Variants in C8orf34 observed in about 807,000 individuals in gnomAD.
The protein encoded by C8orf34 is chromosome 8 open reading frame 34, also known as uncharacterized protein C8orf34.
In C8orf34, 65 loss-of-function variants were observed where a neutral mutation model predicts 68.3. The ratio of observed to expected loss-of-function variants is 0.95; its 90% CI spans 0.78 to 1.17. The LOEUF (loss-of-function observed/expected upper bound fraction) is 1.17. C8orf34 is among the 50% of genes most tolerant of loss of function. The pLI, the probability that C8orf34 is intolerant of heterozygous loss-of-function variation, is 0.00. For missense variants in C8orf34, 664 were observed against 655.4 expected (o/e 1.01, Z -0.14); for synonymous variants, 244 against 241.2 (o/e 1.01, Z -0.11).
intron 1 of C8orf34, among the ~76,000 whole-genome samples, chr8:68,376,190 A>ATAAAATAAAATAAAATAAAT: frequency 8.0e-6 from 1 of 124,578 alleles, no homozygotes; most frequent in African/African-American, 2.8e-5. Context: ...CAGACATAAA[A>ATAAAATAAAATAAAATAAAT]TAAAATAAAA....
At chr8:68,704,662 C>A (rs2130945995) in intron 8 of C8orf34, among the ~76,000 whole-genome samples, 1 of 152,244 alleles carries the variant, frequency 6.6e-6, no homozygotes, top group South Asian at 2.1e-4. Flanking sequence ...ACCCACAACT[C>A]TTCATTCCAC....
chr8:68,684,771 T>C (rs904004138), intron 8 of C8orf34, among the ~76,000 whole-genome samples: 2 of 151,886 alleles, frequency 1.3e-5, no homozygotes, highest in Non-Finnish European at 2.9e-5. Flanking sequence ...GAAAAAAAAT[T>C]ATAGGCTGCT....
intron 5 of C8orf34, among the ~76,000 whole-genome samples, chr8:68,515,698 A>T (rs1814481835): frequency 6.6e-6 from 1 of 152,236 alleles, no homozygotes; most frequent in South Asian, 2.1e-4. Context: ...AGTAAGATGC[A>T]GATGGTTCCA....
intron 3 of C8orf34, among the ~76,000 whole-genome samples, chr8:68,466,738 CATATATATATAT>C (rs35661495): frequency 0.52 from 62,392 of 120,622 alleles, 16,246 homozygotes; most frequent in East Asian, 0.61. Flanking sequence ...CAACGTTGTA[CATATATATATAT>C]ATATATATAT....
rs527332489 is a variant in C8orf34 at position 68,617,045 on chromosome 8, G to A, written c.1106-23331G>A. On this transcript the variant is annotated intron_variant, in intron 7 of 13. Coordinates refer to ENST00000518698, the MANE Select transcript of C8orf34 (RefSeq NM_052958.4). ...TTGATCTCTTTACCATTATGTAATG[G>A]CCTTCTTTGTCTCTTTTGATCTTTG... Among the ~76,000 whole-genome samples the A allele has an allele frequency of 4.6e-5, 7 of 152,182 alleles. No individual in the cohort carries two copies. The South Asian group carries it at 6.2e-4, about 14-fold the overall frequency.
chr8:68,764,751 G>A (rs937971028), intron 10 of C8orf34, among the ~76,000 whole-genome samples: 3 of 152,186 alleles, frequency 2.0e-5, no homozygotes, highest in Non-Finnish European at 4.4e-5. Context: ...TTCCTGAGAT[G>A]GAGATGAATA....
chr8:68,571,236 A>G lies in C8orf34; in HGVS notation c.1105+38087A>G, dbSNP rs914686627. On this transcript the variant is annotated intron_variant, in intron 7 of 13. Transcript: ENST00000518698. ...CTTTGCCTGTAGCTACTCCTAGGCCATTTAGTTACAGTGTCAAATTCATTT... is the reference window on the plus strand; with the variant it reads ...CTTTGCCTGTAGCTACTCCTAGGCCGTTTAGTTACAGTGTCAAATTCATTT... Among the ~76,000 whole-genome samples, 5 of 152,296 alleles carry G rather than the reference A, an allele frequency of 3.3e-5. 1 individual carries two copies. In the East Asian group the frequency reaches 9.6e-4, roughly 29 times the overall value.
rs540627982 is a variant in C8orf34 at position 68,341,287 on chromosome 8, A to C, written c.327+9948A>C. The stretch of plus-strand genomic sequence containing the variant: ...ATGAGGGTTGTCAAAGTACAGAAGT[A>C]GTTCAATGGAGGGAGGATAGCTTTT... On this transcript the variant is annotated intron_variant, in intron 1 of 13. Transcript: ENST00000518698. Among the ~76,000 whole-genome samples, 11 of 152,220 alleles carry C rather than the reference A, an allele frequency of 7.2e-5. No individual in the cohort carries two copies. The East Asian group carries it at 2.1e-3, about 29-fold the overall frequency.
intron 3 of C8orf34, among the ~76,000 whole-genome samples, chr8:68,464,389 G>C (rs970666834): frequency 2.0e-5 from 3 of 152,066 alleles, no homozygotes; most frequent in Non-Finnish European, 4.4e-5. Flanking sequence ...GTAATTTATA[G>C]ATTCAATGCC....
In C8orf34 at chr8:68,711,860, G is replaced by T. The variant is rs552545184; in HGVS notation, c.1327+2781G>T. On this transcript the variant is annotated intron_variant, in intron 9 of 13. Transcript: ENST00000518698. ...ACACCTGGGAAATTTATTGCAAAAAGATCATTACCTGCACACATAGTCATC... is the reference window on the plus strand; with the variant it reads ...ACACCTGGGAAATTTATTGCAAAAATATCATTACCTGCACACATAGTCATC... Among the ~76,000 whole-genome samples, 28 of 152,188 alleles carry T rather than the reference G, an allele frequency of 1.8e-4. 1 individual carries two copies. In the South Asian group the frequency reaches 3.7e-3, roughly 20 times the overall value.
Position 68,709,080 on chromosome 8 carries a change from G to GGGCC in C8orf34, c.1327+1_1327+2insGGCC, listed in dbSNP as rs778969473. On this transcript the variant is annotated splice_donor_variant, in intron 9 of 13. Transcript: ENST00000518698. LOFTEE classifies it high-confidence loss of function. ...GATGAAAAAATCCCAGATTCATTCG[G>GGGCC]TAAGTTTTAAGTCCAACAATATTTA... The GGGCC allele has an allele frequency of 6.2e-7, 1 of 1,607,890 alleles. No individual in the cohort carries two copies. Among genetic ancestry groups the GGGCC allele is most frequent in the Non-Finnish European group, 8.5e-7 (1 of 1,175,524 alleles).
chr8:68,757,545 G>A (rs572771410), intron 10 of C8orf34, among the ~76,000 whole-genome samples: 111 of 152,116 alleles, frequency 7.3e-4, no homozygotes, highest in Non-Finnish European at 1.1e-3. Flanking sequence ...CACTTGAACC[G>A]GGGAGGCGGA....
chr8:68,419,227 A>G (rs1457856859), intron 1 of C8orf34, among the ~76,000 whole-genome samples: 1 of 150,648 alleles, frequency 6.6e-6, no homozygotes, highest in Non-Finnish European at 1.5e-5. Context: ...ACATGAAAAA[A>G]TGCTCACCAT....
At chr8:68,799,752 A>C (rs1220196522) in intron 12 of C8orf34, among the ~76,000 whole-genome samples, 1 of 152,228 alleles carries the variant, frequency 6.6e-6, no homozygotes, top group East Asian at 1.9e-4. Context: ...AGCATTAGGC[A>C]CACTGTTTCT....
intron 8 of C8orf34, among the ~76,000 whole-genome samples, chr8:68,680,450 G>T (rs1464100505): frequency 2.0e-5 from 3 of 152,114 alleles, no homozygotes; most frequent in Admixed American, 6.6e-5. Context: ...TGGGCCACTG[G>T]GGGTGACATC....
intron 5 of C8orf34, among the ~76,000 whole-genome samples, chr8:68,500,409 C>T (rs932846977): frequency 3.3e-5 from 5 of 152,234 alleles, no homozygotes; most frequent in South Asian, 2.1e-4. Flanking sequence ...TTGAATGCCA[C>T]GTGGGATCCA....
At chr8:68,650,700 CG>C (rs1819331851) in intron 8 of C8orf34, among the ~76,000 whole-genome samples, 1 of 151,952 alleles carries the variant, frequency 6.6e-6, no homozygotes, top group Admixed American at 6.6e-5. Flanking sequence ...GGGATGGTCT[CG>C]ATCTCCTGAC....
intron 1 of C8orf34, among the ~76,000 whole-genome samples, chr8:68,352,384 C>A (rs1187513900): frequency 6.7e-6 from 1 of 149,076 alleles, no homozygotes; most frequent in Admixed American, 6.7e-5. Flanking sequence ...GAAACATGTG[C>A]TCTTGCTAAG....
rs548905944 is a variant in C8orf34 at position 68,773,348 on chromosome 8, A to C, written c.1405-3051A>C. 1.1e-3 allele frequency among the ~76,000 whole-genome samples: 172 copies of C among 152,224 alleles called. 1 individual carries two copies. Among genetic ancestry groups the C allele is most frequent in the African/African-American group, 3.4e-3 (141 of 41,548 alleles). On this transcript the variant is annotated intron_variant, in intron 10 of 13. Coordinates refer to ENST00000518698, the MANE Select transcript of C8orf34 (RefSeq NM_052958.4). ...GCCTTGTACCACACTTGCATTCTTCAAAATGTTAGTTTCCTCTGTATTTTC... is the reference window on the plus strand; with the variant it reads ...GCCTTGTACCACACTTGCATTCTTCCAAATGTTAGTTTCCTCTGTATTTTC...
Sources: allele counts gnomAD v4.1 joint callset (sites outside exome capture counted in the v4.1 genomes callset), GRCh38; gene constraint gnomAD v4.1.1; transcripts MANE v1.5; gene names NCBI Gene and HGNC (gene_info 2026-07-23, HGNC 2026-07-21).